Variants in CARS1 observed in about 807,000 individuals in gnomAD.
CARS1 encodes the protein cysteinyl-tRNA synthetase 1, also known as cysteine--tRNA ligase, cytoplasmic.
A neutral mutation model predicts 106.2 loss-of-function variants in CARS1; 48 were observed. That is an observed-to-expected ratio of 0.45 (90% CI 0.36 to 0.57). CARS1 has a LOEUF of 0.57. Ranked by LOEUF, CARS1 falls within the 20% of genes least tolerant of loss-of-function variation. The pLI is 0.00. For synonymous variants in CARS1, 409 were observed against 403.4 expected, an observed-to-expected ratio of 1.01 and a Z score of -0.17; for missense variants, 968 against 1,057.2, an observed-to-expected ratio of 0.92 and a Z score of 1.17.
chr11:3,017,222 T>C lies in CARS1; in HGVS notation c.1801A>G (p.Met601Val). The C allele has an allele frequency of 6.2e-7, 1 of 1,614,066 alleles. No homozygotes were observed. The highest frequency in any genetic ancestry group is 1.1e-5 in the South Asian group (1 of 91,084). ...TTGCACTGACTGACCAAGGCCCGCA[T>C]CTCTTCCATGACGGTGCGGGTGTCA... ...NVDTRTVMEE[M>V]RALVSQCNLY... The change falls in exon 16 of 23, where the codon ATG becomes GTG. Residue 601 changes from methionine to valine, a missense_variant. Coordinates refer to ENST00000380525, the MANE Select transcript of CARS1 (RefSeq NM_001014437.3). This position sits in a 1 kb window ranked among gnomAD's most constrained non-coding sequence, Gnocchi z 4.9.
chr11:3,026,592 C>T, intron 10 of CARS1, 84 bp downstream of exon 10: 2 of 1,474,310 alleles, frequency 1.4e-6, no homozygotes, highest in Non-Finnish European at 1.9e-6. Flanking sequence ...GGGCTCAGCG[C>T]AGCCCCCGTG....
At position 3,040,879 on chromosome 11, in the gene CARS1, C is replaced by A; in HGVS notation, c.455+17G>T. ...TGCAACTGCAGAAGCTGCAGGGACA[C>A]CCCGCGGTGGACCTACCTGGCGTGC... On this transcript the variant is annotated intron_variant, in intron 4 of 22. Transcript: ENST00000380525. The surrounding 1 kb of genome is among the most constrained non-coding windows in gnomAD (Gnocchi z 5.8). 2 of 1,612,202 alleles carry A rather than the reference C, an allele frequency of 1.2e-6. No homozygotes were observed. Among genetic ancestry groups the A allele is most frequent in the Non-Finnish European group, 1.7e-6 (2 of 1,179,030 alleles).
intron 22 of CARS1, 70 bp downstream of exon 22, chr11:3,001,900 T>C: frequency 8.2e-7 from 1 of 1,214,992 alleles, no homozygotes; most frequent in Non-Finnish European, 1.2e-6. Context: ...AGGTTGAAAA[T>C]TCCTGTCCTC....
Position 3,029,268 on chromosome 11 carries a change from C to G in CARS1, c.942+35G>C. The G allele has an allele frequency of 6.2e-7, 1 of 1,608,324 alleles. No individual in the cohort carries two copies. The highest frequency in any genetic ancestry group is 8.5e-7 in the Non-Finnish European group (1 of 1,175,282). The stretch of plus-strand genomic sequence containing the variant: ...AATTTAGAAATCAGGGCCCTTAGCG[C>G]AAGAGAGCCAGCACAAGACAATCGT... On this transcript the variant is annotated intron_variant, in intron 8 of 22. Transcript: ENST00000380525. This position sits in a 1 kb window ranked among gnomAD's most constrained non-coding sequence, Gnocchi z 5.9.
chr11:3,023,344 T>C (rs1851749768), intron 10 of CARS1, among the ~76,000 whole-genome samples: 1 of 152,212 alleles, frequency 6.6e-6, no homozygotes, highest in South Asian at 2.1e-4. Flanking sequence ...TGCTCTACTA[T>C]ATCCATAGTT....
chr11:3,006,703 GC>G (rs1849900855), intron 19 of CARS1, among the ~76,000 whole-genome samples, 175 bp downstream of exon 19: 1 of 152,224 alleles, frequency 6.6e-6, no homozygotes, highest in Non-Finnish European at 1.5e-5. Context: ...GTGCTCCCCT[GC>G]CCCTGCCAGG....
At chr11:3,027,822 G>A (rs566868028) in intron 9 of CARS1, 57 of 454,738 alleles carry the variant, frequency 1.3e-4, no homozygotes, top group Non-Finnish European at 1.6e-4. Context: ...GTGGTCTAGC[G>A]GTAGCGTAAG....
At position 3,020,483 on chromosome 11, in the gene CARS1, A is replaced by C; in HGVS notation, c.1154-151T>G. ...GCTCAAGCATTTCTTCAAGTTAACT[A>C]TGTATTACCAGATTCTGGTGTTGAC... On this transcript the variant is annotated intron_variant, in intron 10 of 22. Coordinates refer to ENST00000380525, the MANE Select transcript of CARS1 (RefSeq NM_001014437.3). This position sits in a 1 kb window ranked among gnomAD's most constrained non-coding sequence, Gnocchi z 4.6. The C allele has an allele frequency of 1.6e-6, 1 of 622,644 alleles. No homozygotes were observed. Among genetic ancestry groups the C allele is most frequent in the Admixed American group, 2.6e-5 (1 of 39,082 alleles). The allele number at this position is 622,644 out of a possible 1,614,324, so 38.6% of individuals were successfully genotyped here.
At chr11:3,032,740 A>T (rs1405932494) in intron 7 of CARS1, among the ~76,000 whole-genome samples, 1 of 151,724 alleles carries the variant, frequency 6.6e-6, no homozygotes, top group Non-Finnish European at 1.5e-5. Context: ...TGCTGTCAGG[A>T]GTTGGGGTGG....
intron 18 of CARS1, chr11:3,007,218 G>T: frequency 1.8e-6 from 1 of 544,882 alleles, no homozygotes; most frequent in Non-Finnish European, 3.3e-6. Context: ...TGGGGGTGCA[G>T]GGCAGAGCCA....
At chr11:3,002,420 C>T in intron 21 of CARS1, 121 bp downstream of exon 21, 1 of 1,528,862 alleles carries the variant, frequency 6.5e-7, no homozygotes, top group Non-Finnish European at 8.8e-7. Context: ...AAGCGGAGCT[C>T]CTTCTGTGAG....
rs1042205730 is a variant in CARS1, at chr11:3,050,967, G to A, written c.26-2966C>T. On this transcript the variant is annotated intron_variant, in intron 1 of 22. Transcript: ENST00000380525. This position sits in a 1 kb window ranked among gnomAD's most constrained non-coding sequence, Gnocchi z 6.3. ...CGATCTTCAGCATCTACAACTGAGC[G>A]TGTGACATTCCAGATATCAGCTAAA... 2.0e-5 allele frequency among the ~76,000 whole-genome samples: 3 copies of A among 152,242 alleles called. No homozygotes were observed. The highest frequency in any genetic ancestry group is 2.9e-5 in the Non-Finnish European group (2 of 68,046).
intron 19 of CARS1, among the ~76,000 whole-genome samples, chr11:3,006,404 C>A (rs1346837966): frequency 6.6e-6 from 1 of 152,222 alleles, no homozygotes; most frequent in Non-Finnish European, 1.5e-5. Flanking sequence ...CGAGATCGCG[C>A]CACTGTACTC....
chr11:3,014,414 CA>C (rs1850787260), intron 17 of CARS1, among the ~76,000 whole-genome samples: 1 of 152,240 alleles, frequency 6.6e-6, no homozygotes, highest in Non-Finnish European at 1.5e-5. Flanking sequence ...CCATTCGCCG[CA>C]GCTGCTTCTT....
Position 3,038,711 on chromosome 11 carries a change from G to A in CARS1, c.651+483C>T, listed in dbSNP as rs140327216. 9.2e-5 allele frequency among the ~76,000 whole-genome samples: 14 copies of A among 152,194 alleles called. No homozygotes were observed. The highest frequency in any genetic ancestry group is 2.4e-4 in the African/African-American group (10 of 41,496). On this transcript the variant is annotated intron_variant, in intron 6 of 22. Transcript: ENST00000380525. This position sits in a 1 kb window ranked among gnomAD's most constrained non-coding sequence, Gnocchi z 4.0. ...AGTAAAATGACCTATTCTTACTATT[G>A]TAATAAAAATAAGTATATAACGATG...
Position 3,052,958 on chromosome 11 carries a change from T to A in CARS1, c.25+4385A>T, listed in dbSNP as rs574594855. Among the ~76,000 whole-genome samples the A allele has an allele frequency of 2.0e-3, 307 of 152,384 alleles. 1 individual carries two copies. The highest frequency in any genetic ancestry group is 7.1e-3 in the African/African-American group (295 of 41,594). ...ATGAGAAGGAATGTCCACCACCGGA[T>A]GACCTTGCAGTTCAGTTCATCAACA... On this transcript the variant is annotated intron_variant, in intron 1 of 22. Coordinates refer to ENST00000380525, the MANE Select transcript of CARS1 (RefSeq NM_001014437.3). The surrounding 1 kb of genome is among the most constrained non-coding windows in gnomAD (Gnocchi z 4.6).
At position 3,020,265 on chromosome 11, in the gene CARS1, C is replaced by A; in HGVS notation, c.1221G>T (p.Lys407Asn). The change falls in exon 11 of 23, where the codon AAG becomes AAT. Residue 407 changes from lysine to asparagine, a missense_variant. By Grantham distance (94) the Lys-to-Asn change is moderately conservative. Coordinates refer to ENST00000380525, the MANE Select transcript of CARS1 (RefSeq NM_001014437.3). This position sits in a 1 kb window ranked among gnomAD's most constrained non-coding sequence, Gnocchi z 4.6. ...AGGACGGTTCTCCGGGCTTAGAGGC[C>A]TTCCATAAGGCAAAGTCGTTGGGAG... ...KRSPNDFALW[K>N]ASKPGEPSWP... 6.2e-7 allele frequency: 1 copy of A among 1,614,020 alleles called. No homozygotes were observed. Among genetic ancestry groups the A allele is most frequent in the South Asian group, 1.1e-5 (1 of 91,088 alleles).
Position 3,041,212 on chromosome 11 carries a change from G to A in CARS1, c.367-228C>T. ...GGTGGGTGGGGCCTCTTCCTCCCTG[G>A]GGTTCTACTCATCTATGGAGGGAGG... is the stretch of plus-strand genomic sequence containing the variant. On this transcript the variant is annotated intron_variant, in intron 3 of 22. Transcript: ENST00000380525. This position sits in a 1 kb window ranked among gnomAD's most constrained non-coding sequence, Gnocchi z 4.9. 3.7e-6 allele frequency: 2 copies of A among 538,774 alleles called. No individual in the cohort carries two copies. The highest frequency in any genetic ancestry group is 2.4e-5 in the South Asian group (1 of 42,250). 33.4% of individuals were successfully genotyped at this position (538,774 alleles called of 1,614,324 possible). A position where few individuals can be genotyped will look rare whatever the true frequency, so the allele number is the denominator to read the frequency against.
intron 19 of CARS1, among the ~76,000 whole-genome samples, 185 bp from the exon 20 acceptor site, chr11:3,005,618 T>C (rs1015747717): frequency 2.0e-5 from 3 of 148,084 alleles, no homozygotes; most frequent in African/African-American, 7.5e-5. Context: ...ACATTTTGGT[T>C]TGTGTGTGTG....
Sources: gnomAD v4.1 joint callset for allele counts (sites outside exome capture counted in the v4.1 genomes callset) on GRCh38, gnomAD v4.1.1 for gene constraint, Gnocchi (gnomAD v3.1) non-coding constraint, MANE v1.5 for transcripts, NCBI Gene and HGNC (gene_info 2026-07-23, HGNC 2026-07-21) for gene names.